The following THNSL1 variants were observed in gnomAD, a reference collection of about 807,000 sequenced individuals.
THNSL1 encodes threonine synthase like 1, also known as threonine synthase-like 1.
THNSL1 carries 48 observed loss-of-function variants against 50.4 expected under a neutral mutation model. The observed-to-expected ratio is 0.95, with a 90% confidence interval of 0.76 to 1.21. THNSL1 has a LOEUF of 1.21. Ranked by LOEUF, THNSL1 falls within the 50% of genes most tolerant of loss-of-function variation. The pLI is 0.00. For synonymous variants in THNSL1, 309 were observed against 306.1 expected (o/e 1.01, Z -0.10); for missense variants, 896 against 871.7 (o/e 1.03, Z -0.35).
the THNSL1 span, among the ~76,000 whole-genome samples, chr10:24,991,119 T>G: frequency 6.6e-6 from 1 of 151,878 alleles, no homozygotes; most frequent in African/African-American, 2.4e-5. Flanking sequence ...TAAATGGAGT[T>G]GTTATTGCAG....
the THNSL1 span, among the ~76,000 whole-genome samples, chr10:25,002,040 A>C: frequency 6.6e-6 from 1 of 152,090 alleles, no homozygotes; most frequent in Non-Finnish European, 1.5e-5. Context: ...TGATAGTTGG[A>C]AACAGTGTGA....
chr10:25,013,255 T>C (rs766254570), upstream of THNSL1, among the ~76,000 whole-genome samples: 1 of 152,240 alleles, frequency 6.6e-6, no homozygotes, highest in African/African-American at 2.4e-5. Context: ...TAATATACTA[T>C]GTTCTATGAT....
chr10:24,980,427 T>C, the THNSL1 span, among the ~76,000 whole-genome samples: 1 of 152,150 alleles, frequency 6.6e-6, no homozygotes, highest in African/African-American at 2.4e-5. Flanking sequence ...TGATTTAGGA[T>C]TCCCTTGGTA....
At chr10:24,997,989 C>G in the THNSL1 span, among the ~76,000 whole-genome samples, 1 of 152,040 alleles carries the variant, frequency 6.6e-6, no homozygotes, top group African/African-American at 2.4e-5. Context: ...CAGGCCAAGA[C>G]TAGAGGAAGA....
At chr10:24,984,095 T>C in the THNSL1 span, 228 of 373,210 alleles carry the variant, frequency 6.1e-4, no homozygotes, top group African/African-American at 4.4e-3. Context: ...TCATCCTCAA[T>C]GATGCCTTTA....
Position 25,025,376 on chromosome 10 carries a change from T to G in THNSL1, c.2153T>G (p.Met718Arg), listed in dbSNP as rs775488389. 1 of 1,614,228 alleles carries G rather than the reference T, an allele frequency of 6.2e-7. No individual in the cohort carries two copies. The highest frequency in any genetic ancestry group is 2.2e-5 in the East Asian group (1 of 44,888). The change falls in exon 3 of 3, where the codon ATG becomes AGG. Residue 718 changes from methionine (M) to arginine (R), a missense_variant. By Grantham distance (91) the Met-to-Arg change is moderately conservative (BLOSUM62 -1). Transcript: ENST00000376356. ...LLERTKQQEK[M>R]EYQVCAADMN... is the part of the protein sequence containing the mutation. ...GAGAGAACAAAACAGCAAGAGAAGA[T>G]GGAGTACCAGGTCTGTGCAGCTGAT... is the stretch of plus-strand genomic sequence containing the variant.
chr10:24,957,236 A>G, the THNSL1 span, among the ~76,000 whole-genome samples: 1 of 152,216 alleles, frequency 6.6e-6, no homozygotes, highest in Admixed American at 6.5e-5. Context: ...AATTCCACAT[A>G]TAAGTGAGAT....
the THNSL1 span, among the ~76,000 whole-genome samples, chr10:24,968,556 G>A: frequency 0.011 from 1,643 of 152,130 alleles, 24 homozygotes; most frequent in Non-Finnish European, 0.017. Flanking sequence ...GCACAGTACC[G>A]CTGCACACCC....
At chr10:25,019,910 C>T (rs1476908316) in intron 1 of THNSL1, among the ~76,000 whole-genome samples, 1 of 151,830 alleles carries the variant, frequency 6.6e-6, no homozygotes. Flanking sequence ...TTAAATGAAC[C>T]ATGTGTAATG....
chr10:24,957,117 C>T, the THNSL1 span, among the ~76,000 whole-genome samples: 2 of 152,190 alleles, frequency 1.3e-5, no homozygotes, highest in African/African-American at 4.8e-5. Flanking sequence ...CTAACTATAA[C>T]CTAGTACCTA....
At chr10:24,988,336 G>GTA in the THNSL1 span, among the ~76,000 whole-genome samples, 1 of 139,810 alleles carries the variant, frequency 7.2e-6, no homozygotes, top group African/African-American at 2.6e-5. Context: ...TTATATATGT[G>GTA]TATATATATA....
chr10:24,998,858 A>C, the THNSL1 span, among the ~76,000 whole-genome samples: 1 of 152,196 alleles, frequency 6.6e-6, no homozygotes, highest in Non-Finnish European at 1.5e-5. Context: ...TAAAATAAGC[A>C]TGGGGCCCTA....
At chr10:24,988,285 T>C in the THNSL1 span, among the ~76,000 whole-genome samples, 1 of 145,686 alleles carries the variant, frequency 6.9e-6, no homozygotes, top group Non-Finnish European at 1.5e-5. Flanking sequence ...TGTGTATATA[T>C]ATTTATATAT....
the THNSL1 span, among the ~76,000 whole-genome samples, chr10:24,974,288 AT>A: frequency 6.6e-6 from 1 of 151,766 alleles, no homozygotes; most frequent in Non-Finnish European, 1.5e-5. Flanking sequence ...TTAAAAAAAA[AT>A]CTAACAATTT....
the THNSL1 span, among the ~76,000 whole-genome samples, chr10:24,970,206 C>A: frequency 6.6e-6 from 1 of 152,198 alleles, no homozygotes; most frequent in South Asian, 2.1e-4. Context: ...TAAGTATGCA[C>A]TCTTCTGAAA....
At chr10:25,006,383 A>C in the THNSL1 span, among the ~76,000 whole-genome samples, 2 of 152,116 alleles carry the variant, frequency 1.3e-5, no homozygotes, top group Non-Finnish European at 2.9e-5. Flanking sequence ...GCACACCGAG[A>C]ACATTTGTGC....
At chr10:25,010,646 CAT>C in the THNSL1 span, among the ~76,000 whole-genome samples, 1 of 149,850 alleles carries the variant, frequency 6.7e-6, no homozygotes, top group Non-Finnish European at 1.5e-5. Flanking sequence ...TTCCTGTGTC[CAT>C]GTGTTCTCAT....
the THNSL1 span, among the ~76,000 whole-genome samples, chr10:24,990,217 A>C: frequency 2.0e-5 from 3 of 152,226 alleles, no homozygotes; most frequent in Non-Finnish European, 2.9e-5. Context: ...TCCTTACAAC[A>C]CTAGTTCAGG....
At chr10:25,012,652 G>C (rs922161657), upstream of THNSL1, among the ~76,000 whole-genome samples, 2 of 152,160 alleles carry the variant, frequency 1.3e-5, no homozygotes, top group Non-Finnish European at 2.9e-5. Context: ...CTGCTATTTC[G>C]AATGGTTATA....
Sources: allele counts gnomAD v4.1 joint callset (sites outside exome capture counted in the v4.1 genomes callset), GRCh38; gene constraint gnomAD v4.1.1; transcripts MANE v1.5; gene names NCBI Gene and HGNC (gene_info 2026-07-23, HGNC 2026-07-21).